The following IL20RB variants were observed in gnomAD, a reference collection of about 807,000 sequenced individuals.
IL20RB encodes the protein interleukin 20 receptor subunit beta, also known as interleukin-20 receptor subunit beta.
IL20RB carries 21 observed loss-of-function variants against 33.3 expected under a neutral mutation model. The observed-to-expected ratio is 0.63, with a 90% confidence interval of 0.45 to 0.91. The LOEUF is 0.91. IL20RB is among the 40% of genes least tolerant of loss of function. The probability of loss-of-function intolerance (pLI) is 0.00; values close to 1 mark genes in which losing one functional copy is unlikely to be tolerated. For missense variants in IL20RB, 345 were observed against 384.8 expected (o/e 0.90, Z 0.86); for synonymous variants, 147 against 146.8 (o/e 1.00, Z -0.01).
intron 2 of IL20RB, among the ~76,000 whole-genome samples, chr3:136,981,604 G>A (rs1941776984): frequency 6.6e-6 from 1 of 152,200 alleles, no homozygotes; most frequent in African/African-American, 2.4e-5. Context: ...CGAACAGCAG[G>A]GGCAGAGCGT....
At chr3:136,958,815 T>C (rs1018738250) in intron 1 of IL20RB, among the ~76,000 whole-genome samples, 5 of 152,218 alleles carry the variant, frequency 3.3e-5, no homozygotes, top group African/African-American at 1.2e-4. Flanking sequence ...TAGCCTTTGA[T>C]GTTTGTTCAT....
chr3:137,010,180 C>T lies in IL20RB; in HGVS notation c.893C>T (p.Ala298Val), dbSNP rs373742278. Reference sequence around the variant, plus strand: ...GAGGAGGTGGATGCCTGTGCCACGGCTGTGATGTCTCCTGAGGAACTCCTC... The same window carrying T: ...GAGGAGGTGGATGCCTGTGCCACGGTTGTGATGTCTCCTGAGGAACTCCTC... ...RREEVDACAT[A>V]VMSPEELLRA... is the part of the protein sequence containing the mutation. Residue 298 changes from alanine (A) to valine (V), a missense_variant, in exon 7 of 7, where the codon GCT (alanine) becomes GTT (valine). By Grantham distance (64) the Ala-to-Val change is moderately conservative. Transcript: ENST00000329582. 1.8e-5 allele frequency: 29 copies of T among 1,606,692 alleles called. No individual in the cohort carries two copies. The highest frequency in any genetic ancestry group is 2.5e-5 in the Non-Finnish European group (29 of 1,173,402).
At chr3:136,978,139 C>G (rs1466197427) in intron 1 of IL20RB, among the ~76,000 whole-genome samples, 1 of 149,338 alleles carries the variant, frequency 6.7e-6, no homozygotes, top group African/African-American at 2.5e-5. Flanking sequence ...CTGCTCTTAA[C>G]TTGAAGAGAG....
chr3:136,986,252 TAAATAAAA>T (rs72024955), intron 3 of IL20RB, among the ~76,000 whole-genome samples: 9,388 of 63,160 alleles, frequency 0.15, 478 homozygotes, highest in East Asian at 0.4. Context: ...AATAAATAAA[TAAATAAAA>T]ATAAAACAGG....
intron 1 of IL20RB, among the ~76,000 whole-genome samples, chr3:136,962,750 CA>C (rs1165650808): frequency 7.3e-5 from 6 of 82,082 alleles, no homozygotes; most frequent in Admixed American, 1.5e-4. Flanking sequence ...GACTCCATCT[CA>C]AAAAAAAAAC....
chr3:136,969,776 G>T (rs1682333), intron 1 of IL20RB, among the ~76,000 whole-genome samples: 3 of 151,494 alleles, frequency 2.0e-5, no homozygotes, highest in Non-Finnish European at 2.9e-5. Flanking sequence ...GTGGTTTGCT[G>T]TTTTTTTTTC....
At position 136,980,641 on chromosome 3, in the gene IL20RB, C is replaced by T. The variant is rs548674064; in HGVS notation, c.215+49C>T. 15 of 1,610,102 alleles carry T rather than the reference C, an allele frequency of 9.3e-6. No individual in the cohort carries two copies. The Admixed American group carries it at 1.0e-4, about 11-fold the overall frequency. On this transcript the variant is annotated intron_variant, in intron 2 of 6. Transcript: ENST00000329582. ...CTTCTCCCTTAAGCAGAAGTTGGTTCCTGAAGGCATAGCCCTTCCTCCTGA... is the reference window on the plus strand; with the variant it reads ...CTTCTCCCTTAAGCAGAAGTTGGTTTCTGAAGGCATAGCCCTTCCTCCTGA...
At chr3:136,966,194 A>G in intron 1 of IL20RB, among the ~76,000 whole-genome samples, 1 of 142,174 alleles carries the variant, frequency 7.0e-6, no homozygotes, top group Non-Finnish European at 1.5e-5. Context: ...TTGGTATCAG[A>G]ATGATGCTGG....
At chr3:137,005,948 A>G (rs754392088) in intron 6 of IL20RB, among the ~76,000 whole-genome samples, 8 of 152,326 alleles carry the variant, frequency 5.3e-5, no homozygotes, top group Middle Eastern at 3.4e-3. Context: ...GAGCTGTTGT[A>G]AGGCAGGCCT....
At chr3:136,958,951 C>CTG (rs62670460) in intron 1 of IL20RB, among the ~76,000 whole-genome samples, 64 of 151,030 alleles carry the variant, frequency 4.2e-4, no homozygotes, top group African/African-American at 1.1e-3. Flanking sequence ...GTCTCACTCT[C>CTG]TGTGTGTGTG....
In IL20RB at chr3:137,004,618, T is replaced by G. The variant is rs143325082; in HGVS notation, c.826-5495T>G. Among the ~76,000 whole-genome samples, 909 of 152,312 alleles carry G rather than the reference T, an allele frequency of 6.0e-3. 10 individuals are homozygous for G. The highest frequency in any genetic ancestry group is 0.021 in the African/African-American group (872 of 41,564). On this transcript the variant is annotated intron_variant, in intron 6 of 6. Transcript: ENST00000329582. Reference sequence around the variant, plus strand: ...TGTGGGATCGGTGGTGATATCCCCTTTATCATTTTTTGTTGCGTCTATTTG... The same window carrying G: ...TGTGGGATCGGTGGTGATATCCCCTGTATCATTTTTTGTTGCGTCTATTTG...
chr3:136,958,535 T>A (rs1941105015), intron 1 of IL20RB, among the ~76,000 whole-genome samples: 2 of 152,222 alleles, frequency 1.3e-5, no homozygotes, highest in South Asian at 4.1e-4. Flanking sequence ...ACTGTGTGTG[T>A]CTTGGAGATG....
intron 1 of IL20RB, among the ~76,000 whole-genome samples, chr3:136,977,241 ACTTTT>A (rs1477529442): frequency 6.6e-6 from 1 of 152,068 alleles, no homozygotes; most frequent in Non-Finnish European, 1.5e-5. Flanking sequence ...AGTTCCTTTG[ACTTTT>A]CTTATAAAAT....
At chr3:136,989,339 T>G in intron 3 of IL20RB, 102 bp from the exon 4 acceptor site, 1 of 1,365,524 alleles carries the variant, frequency 7.3e-7, no homozygotes, top group South Asian at 1.2e-5. Context: ...CTTCCTCTCC[T>G]ACGGAGACGG....
At chr3:137,007,252 C>A (rs1216685163) in intron 6 of IL20RB, among the ~76,000 whole-genome samples, 2 of 151,936 alleles carry the variant, frequency 1.3e-5, no homozygotes, top group Non-Finnish European at 1.5e-5. Flanking sequence ...GTCAGTGACC[C>A]ACTTGAAGAG....
chr3:136,993,953 C>T (rs1380803285), intron 5 of IL20RB, among the ~76,000 whole-genome samples: 6 of 150,666 alleles, frequency 4.0e-5, no homozygotes, highest in Non-Finnish European at 7.4e-5. Context: ...GCAGAGGTTG[C>T]AGTGAGCCGA....
At chr3:136,989,916 G>A (rs1941997768) in intron 4 of IL20RB, among the ~76,000 whole-genome samples, 1 of 152,110 alleles carries the variant, frequency 6.6e-6, no homozygotes, top group African/African-American at 2.4e-5. Flanking sequence ...CAGCAATCAG[G>A]ATTTGTAGAT....
intron 6 of IL20RB, among the ~76,000 whole-genome samples, chr3:137,004,389 T>A (rs748211394): frequency 3.9e-5 from 6 of 152,220 alleles, no homozygotes; most frequent in Non-Finnish European, 7.3e-5. Flanking sequence ...TGAATCCGTC[T>A]GGTCCTGGAC....
intron 3 of IL20RB, among the ~76,000 whole-genome samples, chr3:136,984,665 G>A (rs1480320425): frequency 6.6e-6 from 1 of 151,840 alleles, no homozygotes; most frequent in Non-Finnish European, 1.5e-5. Context: ...GGAAGGGATG[G>A]GGCAGGAATA....
Sources: gnomAD v4.1 joint callset for allele counts (sites outside exome capture counted in the v4.1 genomes callset) on GRCh38, gnomAD v4.1.1 for gene constraint, MANE v1.5 for transcripts, NCBI Gene and HGNC (gene_info 2026-07-23, HGNC 2026-07-21) for gene names.